Variants in CACNA2D3 observed in about 807,000 individuals in gnomAD.
CACNA2D3 encodes calcium voltage-gated channel auxiliary subunit alpha2delta 3.
CACNA2D3 carries 60 observed loss-of-function variants against 160.6 expected under a neutral mutation model. The ratio of observed to expected loss-of-function variants is 0.37; its 90% CI spans 0.30 to 0.46. The LOEUF is 0.46. Among genes scored for constraint, CACNA2D3 ranks in the 20% least tolerant of loss-of-function variants. The pLI is 1.00. For missense variants in CACNA2D3, 1,205 were observed against 1,365.0 expected, an observed-to-expected ratio of 0.88 and a Z score of 1.85; for synonymous variants, 558 against 492.9, an observed-to-expected ratio of 1.13 and a Z score of -1.75.
At chr3:54,692,470 C>T (rs188795876) in intron 11 of CACNA2D3, among the ~76,000 whole-genome samples, 2 of 152,338 alleles carry the variant, frequency 1.3e-5, no homozygotes, top group African/African-American at 4.8e-5. Context: ...ACTTGTATGC[C>T]AGACTCAGGG....
At chr3:54,404,912 A>G (rs1314340508) in intron 4 of CACNA2D3, among the ~76,000 whole-genome samples, 1 of 152,002 alleles carries the variant, frequency 6.6e-6, no homozygotes, top group African/African-American at 2.4e-5. Flanking sequence ...AATAAATTTT[A>G]CCAAGAAAGT....
chr3:54,618,374 T>TATATATATATATATATACAC, intron 9 of CACNA2D3, among the ~76,000 whole-genome samples: 1 of 54,582 alleles, frequency 1.8e-5, no homozygotes. Context: ...TATATATATA[T>TATATATATATATATATACAC]GCACACACAC....
chr3:54,942,749 G>T (rs1440628721), intron 27 of CACNA2D3, among the ~76,000 whole-genome samples: 1 of 151,972 alleles, frequency 6.6e-6, no homozygotes, highest in Non-Finnish European at 1.5e-5. Context: ...ATTAGGCCAG[G>T]CACAGTGGCT....
At chr3:54,920,924 C>A (rs2106930030) in intron 27 of CACNA2D3, among the ~76,000 whole-genome samples, 1 of 152,242 alleles carries the variant, frequency 6.6e-6, no homozygotes, top group Non-Finnish European at 1.5e-5. Flanking sequence ...GACCCAGAGC[C>A]AAGGAAATAC....
At chr3:54,420,489 C>T (rs1306307873) in intron 4 of CACNA2D3, among the ~76,000 whole-genome samples, 1 of 152,204 alleles carries the variant, frequency 6.6e-6, no homozygotes, top group Non-Finnish European at 1.5e-5. Context: ...TATGCCCCAA[C>T]TTCATCTGCA....
chr3:54,841,000 G>A (rs549143507), intron 16 of CACNA2D3, among the ~76,000 whole-genome samples: 1 of 152,194 alleles, frequency 6.6e-6, no homozygotes, highest in East Asian at 1.9e-4. Flanking sequence ...GGGATTACAG[G>A]CATGAGCCAC....
intron 31 of CACNA2D3, among the ~76,000 whole-genome samples, chr3:54,993,077 C>G (rs959635835): frequency 1.3e-5 from 2 of 152,198 alleles, no homozygotes; most frequent in Non-Finnish European, 1.5e-5. Flanking sequence ...GATGCAATCA[C>G]TTCCATCTGC....
chr3:54,444,261 C>T (rs79240695), intron 4 of CACNA2D3, among the ~76,000 whole-genome samples: 1,576 of 152,258 alleles, frequency 0.01, 24 homozygotes, highest in South Asian at 0.049. Flanking sequence ...ATGTCCCAGA[C>T]ACCTTTTTTT....
intron 2 of CACNA2D3, among the ~76,000 whole-genome samples, chr3:54,261,228 C>T (rs1702394748): frequency 6.6e-6 from 1 of 152,206 alleles, no homozygotes; most frequent in Non-Finnish European, 1.5e-5. Flanking sequence ...GGAATATTCA[C>T]ATGGATGCTT....
intron 3 of CACNA2D3, among the ~76,000 whole-genome samples, chr3:54,350,986 G>GTTTTTTTTTTTTTTTTTTTTTT (rs796392854): frequency 2.4e-4 from 16 of 65,946 alleles, no homozygotes; most frequent in South Asian, 5.1e-4. Flanking sequence ...TTTTTTGTTT[G>GTTTTTTTTTTTTTTTTTTTTTT]TTTTTTTTTT....
intron 17 of CACNA2D3, among the ~76,000 whole-genome samples, chr3:54,850,013 C>A (rs928741222): frequency 1.2e-4 from 18 of 152,210 alleles, no homozygotes; most frequent in Non-Finnish European, 2.5e-4. Flanking sequence ...CCAAGAACAG[C>A]TCAGACATAG....
intron 3 of CACNA2D3, among the ~76,000 whole-genome samples, chr3:54,336,839 C>T (rs1704391960): frequency 6.6e-6 from 1 of 152,082 alleles, no homozygotes; most frequent in Non-Finnish European, 1.5e-5. Flanking sequence ...AGTACAGTAG[C>T]ATCTATATAA....
chr3:54,614,384 C>G (rs574344543), intron 9 of CACNA2D3, among the ~76,000 whole-genome samples: 2 of 152,302 alleles, frequency 1.3e-5, no homozygotes, highest in South Asian at 4.1e-4. Flanking sequence ...GCCAATCTTT[C>G]CCTCACCATG....
intron 25 of CACNA2D3, among the ~76,000 whole-genome samples, chr3:54,894,301 G>A (rs1009689811): frequency 4.6e-5 from 7 of 152,140 alleles, no homozygotes; most frequent in Non-Finnish European, 7.3e-5. Flanking sequence ...AGGGTTTCCC[G>A]GCAACTCAGT....
chr3:54,969,566 G>A (rs947808575), intron 28 of CACNA2D3, among the ~76,000 whole-genome samples: 5 of 151,992 alleles, frequency 3.3e-5, no homozygotes, highest in African/African-American at 7.2e-5. Context: ...GCCCCACCCC[G>A]CTCAGTTGTT....
intron 4 of CACNA2D3, among the ~76,000 whole-genome samples, chr3:54,452,327 T>G (rs897290762): frequency 1.3e-5 from 2 of 152,194 alleles, no homozygotes; most frequent in East Asian, 3.9e-4. Context: ...ATGGGAACAG[T>G]ATGGGGGAAA....
At chr3:54,485,108 G>T (rs539913550) in intron 4 of CACNA2D3, among the ~76,000 whole-genome samples, 1 of 152,228 alleles carries the variant, frequency 6.6e-6, no homozygotes, top group South Asian at 2.1e-4. Context: ...GCCTCCCAAA[G>T]TGCTGGGATT....
intron 35 of CACNA2D3, among the ~76,000 whole-genome samples, chr3:55,022,710 C>CTT (rs201960969): frequency 9.6e-5 from 13 of 135,682 alleles, no homozygotes; most frequent in Non-Finnish European, 1.4e-4. Flanking sequence ...TTTTCTATTC[C>CTT]TTTTTTTTTT....
At chr3:54,248,793 G>T (rs1702130287) in intron 2 of CACNA2D3, among the ~76,000 whole-genome samples, 1 of 152,140 alleles carries the variant, frequency 6.6e-6, no homozygotes, top group Admixed American at 6.5e-5. Flanking sequence ...CAAATTTTAA[G>T]GTTTGGGTTA....
Sources: allele counts gnomAD v4.1 joint callset (sites outside exome capture counted in the v4.1 genomes callset), GRCh38; gene constraint gnomAD v4.1.1; transcripts MANE v1.5; gene names NCBI Gene and HGNC (gene_info 2026-07-23, HGNC 2026-07-21).